Variants in SEC14L1 observed in about 807,000 individuals in gnomAD.
SEC14L1 encodes the protein SEC14-like protein 1.
Under a neutral mutation model 85.3 loss-of-function variants are expected in SEC14L1, and 48 were observed. The ratio of observed to expected loss-of-function variants is 0.56; its 90% CI spans 0.45 to 0.72. The LOEUF (loss-of-function observed/expected upper bound fraction) is 0.72, where lower values mean the gene tolerates loss of function less well. SEC14L1 is among the 30% of genes least tolerant of loss of function. The pLI is 0.00. For missense variants in SEC14L1, 682 were observed against 921.4 expected (o/e 0.74, Z 3.36); for synonymous variants, 391 against 355.5 (o/e 1.10, Z -1.12).
At chr17:77,205,989 G>A (rs571460602) in intron 11 of SEC14L1, among the ~76,000 whole-genome samples, 13 of 152,236 alleles carry the variant, frequency 8.5e-5, no homozygotes, top group African/African-American at 3.1e-4. Flanking sequence ...AGAGCTTTTC[G>A]TGCATTATCA....
chr17:77,209,662 T>G (rs773461115), intron 14 of SEC14L1, among the ~76,000 whole-genome samples, 186 bp downstream of exon 14: 1 of 152,204 alleles, frequency 6.6e-6, no homozygotes, highest in African/African-American at 2.4e-5. Flanking sequence ...TGGGTCTCTC[T>G]CAGAATAGAA....
chr17:77,143,510 T>TA (rs1403451214), intron 2 of SEC14L1, 57 bp from the exon 3 acceptor site: 1 of 1,017,620 alleles, frequency 9.8e-7, no homozygotes, highest in South Asian at 1.4e-5. Flanking sequence ...AGTGCAGACT[T>TA]ACTAATAATT....
intron 3 of SEC14L1, among the ~76,000 whole-genome samples, chr17:77,176,662 C>T (rs931494458): frequency 6.6e-6 from 1 of 152,214 alleles, no homozygotes; most frequent in Non-Finnish European, 1.5e-5. Flanking sequence ...TCTTGGCTCA[C>T]TGCATCCTCC....
intron 8 of SEC14L1, chr17:77,199,022 T>G: frequency 6.6e-6 from 1 of 151,344 alleles, no homozygotes; most frequent in East Asian, 1.9e-4. Context: ...TTTTTTTTTT[T>G]GAGATGGAGT....
upstream of SEC14L1, among the ~76,000 whole-genome samples, chr17:77,140,481 G>A (rs1278863416): frequency 6.6e-6 from 1 of 152,258 alleles, no homozygotes; most frequent in Non-Finnish European, 1.5e-5. Flanking sequence ...CAAGAAATGA[G>A]GAAGCACGGG....
chr17:77,209,542 G>A (rs950337153), intron 14 of SEC14L1, 66 bp downstream of exon 14: 2 of 1,551,920 alleles, frequency 1.3e-6, no homozygotes, highest in South Asian at 1.2e-5. Context: ...CCCTCGCAGG[G>A]CTTCCTGGCA....
intron 10 of SEC14L1, among the ~76,000 whole-genome samples, chr17:77,204,612 G>T (rs1976372161): frequency 6.7e-6 from 1 of 148,514 alleles, no homozygotes; most frequent in African/African-American, 2.5e-5. Flanking sequence ...CTATTCGTGG[G>T]TGTCATCACG....
chr17:77,147,815 G>A (rs1973380149), intron 3 of SEC14L1, among the ~76,000 whole-genome samples: 1 of 152,146 alleles, frequency 6.6e-6, no homozygotes, highest in Non-Finnish European at 1.5e-5. Flanking sequence ...AGGTGTGGGG[G>A]ACTCATTTTT....
In SEC14L1 at chr17:77,213,452, G is replaced by A; in HGVS notation, c.2002G>A (p.Val668Met). ...GCAGGTCTCTTCGCACAAGTGTAAA[G>A]TGATGTACTACACCGAGGTGATCGG... ...SLQVSSHKCK[V>M]MYYTEVIGSE... Residue 668 changes from valine (V) to methionine (M), a missense_variant, in exon 16 of 17, where the codon GTG becomes ATG. Physicochemically the swap from Val to Met is conservative, Grantham distance 21. Transcript: ENST00000436233. The surrounding 1 kb of genome is among the most constrained non-coding windows in gnomAD (Gnocchi z 7.1). 1 of 1,612,458 alleles carries A rather than the reference G, an allele frequency of 6.2e-7. No homozygotes were observed. The highest frequency in any genetic ancestry group is 8.5e-7 in the Non-Finnish European group (1 of 1,180,030).
At chr17:77,120,905 C>T (rs991060438) in intron 3 of SEC14L1, among the ~76,000 whole-genome samples, 5 of 152,222 alleles carry the variant, frequency 3.3e-5, no homozygotes, top group African/African-American at 1.2e-4. Context: ...ACTCGGAACT[C>T]ACTTAGGTGA....
intron 3 of SEC14L1, among the ~76,000 whole-genome samples, chr17:77,098,123 A>G (rs72882046): frequency 0.13 from 19,387 of 152,146 alleles, 2,017 homozygotes; most frequent in African/African-American, 0.29. Context: ...TTCTCTGAAT[A>G]GTGTCCGTAG....
upstream of SEC14L1, among the ~76,000 whole-genome samples, chr17:77,139,091 A>G (rs1051801372): frequency 6.6e-6 from 1 of 151,420 alleles, no homozygotes; most frequent in Non-Finnish European, 1.5e-5. Context: ...GGTGTCATTT[A>G]GCATGTTCCT....
intron 3 of SEC14L1, among the ~76,000 whole-genome samples, chr17:77,185,620 C>G (rs1975232614): frequency 6.6e-6 from 1 of 152,132 alleles, no homozygotes; most frequent in African/African-American, 2.4e-5. Context: ...TAAAAAGATT[C>G]ATTTTGTTTG....
At chr17:77,173,022 G>A (rs561266001) in intron 3 of SEC14L1, among the ~76,000 whole-genome samples, 4 of 152,262 alleles carry the variant, frequency 2.6e-5, no homozygotes, top group South Asian at 2.1e-4. Context: ...CCTAAAAAGC[G>A]AATACCTAGG....
exon 2 of SEC14L1, chr17:77,089,204 GC>G: frequency 3.0e-6 from 1 of 338,152 alleles, no homozygotes. Flanking sequence ...AAAACATGCA[GC>G]AACCACTATT....
Position 77,215,240 on chromosome 17 carries a change from C to G in SEC14L1, c.*1217C>G, listed in dbSNP as rs2143253181. 1 of 985,412 alleles carries G rather than the reference C, an allele frequency of 1.0e-6. No homozygotes were observed. The highest frequency in any genetic ancestry group is 1.1e-4 in the East Asian group (1 of 8,824). 61.0% of individuals were successfully genotyped at this position (985,412 alleles called of 1,614,324 possible). On this transcript the variant is annotated 3_prime_UTR_variant, in exon 17 of 17. Coordinates refer to ENST00000436233, the MANE Select transcript of SEC14L1 (RefSeq NM_001143998.2). ...TTAATTCCTGATTTTAAAGCCTGCT[C>G]TATCTGGTACAGGCCCTTATTTTTT... is the stretch of plus-strand genomic sequence containing the variant.
At chr17:77,185,708 TTTAA>T (rs1380645128) in intron 3 of SEC14L1, among the ~76,000 whole-genome samples, 1 of 152,194 alleles carries the variant, frequency 6.6e-6, no homozygotes, top group East Asian at 1.9e-4. Context: ...TTTTTGTTTT[TTTAA>T]TTAGAGTGCA....
intron 3 of SEC14L1, among the ~76,000 whole-genome samples, chr17:77,135,692 A>G (rs897133454): frequency 6.6e-6 from 1 of 151,890 alleles, no homozygotes; most frequent in African/African-American, 2.4e-5. Flanking sequence ...ATGTACCACC[A>G]TGCCTGGCTA....
intron 3 of SEC14L1, among the ~76,000 whole-genome samples, chr17:77,154,200 G>A (rs1284767455): frequency 1.3e-5 from 2 of 152,218 alleles, no homozygotes; most frequent in Non-Finnish European, 2.9e-5. Context: ...GCTGGGTGTG[G>A]TGGCTCACAT....
Sources: allele counts gnomAD v4.1 joint callset (sites outside exome capture counted in the v4.1 genomes callset), GRCh38; gene constraint gnomAD v4.1.1; non-coding constraint Gnocchi (gnomAD v3.1); transcripts MANE v1.5; gene names NCBI Gene and HGNC (gene_info 2026-07-23, HGNC 2026-07-21).